The following TIAM1 variants were observed in gnomAD, a reference collection of about 807,000 sequenced individuals.
TIAM1 encodes rho guanine nucleotide exchange factor TIAM1.
TIAM1 carries 65 observed loss-of-function variants against 163.5 expected under a neutral mutation model. That is an observed-to-expected ratio of 0.40 (90% CI 0.33 to 0.49). The LOEUF (loss-of-function observed/expected upper bound fraction) is 0.49, where lower values mean the gene tolerates loss of function less well. Ranked by LOEUF, TIAM1 falls within the 20% of genes least tolerant of loss-of-function variation. TIAM1 has a pLI of 0.77. For missense variants in TIAM1, 1,789 were observed against 2,044.7 expected, an observed-to-expected ratio of 0.87 and a Z score of 2.41; for synonymous variants, 833 against 810.1, an observed-to-expected ratio of 1.03 and a Z score of -0.48.
intron 2 of TIAM1, among the ~76,000 whole-genome samples, chr21:31,423,718 A>AAC (rs1251835580): frequency 2.1e-5 from 3 of 146,078 alleles, no homozygotes; most frequent in East Asian, 2.2e-4. Flanking sequence ...AAAAAAAAAA[A>AAC]AAAAAAAAAA....
In TIAM1 at chr21:31,203,016, G is replaced by A. The variant is rs186545398; in HGVS notation, c.2389-4C>T. 1.2e-5 allele frequency: 19 copies of A among 1,604,682 alleles called. No homozygotes were observed. In the African/African-American group the frequency reaches 2.1e-4, roughly 18 times the overall value. On this transcript the variant is annotated splice_region_variant and splice_polypyrimidine_tract_variant and intron_variant, in intron 11 of 27. Coordinates refer to ENST00000541036, the MANE Select transcript of TIAM1 (RefSeq NM_001353694.2). ...CAGAATGATCCAGTTGATGTGTCTG[G>A]GACAAAAAAGAAAGAAAGAAAGAAA...
At chr21:31,273,385 G>A (rs147464556) in intron 3 of TIAM1, among the ~76,000 whole-genome samples, 250 of 152,312 alleles carry the variant, frequency 1.6e-3, no homozygotes, top group African/African-American at 5.5e-3. Flanking sequence ...TCACTCCTCA[G>A]ATGCACATGC....
At chr21:31,255,663 T>C (rs1048361616) in intron 4 of TIAM1, among the ~76,000 whole-genome samples, 4 of 152,144 alleles carry the variant, frequency 2.6e-5, no homozygotes, top group African/African-American at 9.7e-5. Flanking sequence ...GCAAGGTAGG[T>C]TACCTCTTAG....
chr21:31,361,441 T>C (rs2076404552), intron 2 of TIAM1, among the ~76,000 whole-genome samples: 1 of 152,132 alleles, frequency 6.6e-6, no homozygotes, highest in African/African-American at 2.4e-5. Flanking sequence ...GGGGAGGCTT[T>C]CTTGGGGGCT....
At position 31,500,419 on chromosome 21, in the gene TIAM1, G is replaced by A. The variant is rs184697915; in HGVS notation, c.-421-36384C>T. Among the ~76,000 whole-genome samples, 157 of 142,742 alleles carry A rather than the reference G, an allele frequency of 1.1e-3. 1 individual carries two copies. The highest frequency in any genetic ancestry group is 9.6e-3 in the Admixed American group (132 of 13,702). 93.6% of individuals were successfully genotyped at this position (142,742 alleles called of 152,430 possible). On this transcript the variant is annotated intron_variant, in intron 1 of 28. Coordinates refer to the TIAM1 transcript ENST00000286827. Reference sequence around the variant, plus strand: ...GCCATGCAGTAGACCCTTGGCCAACGAGGCTTTTCCCCTTTGTCAGCTGAC... The same window carrying A: ...GCCATGCAGTAGACCCTTGGCCAACAAGGCTTTTCCCCTTTGTCAGCTGAC...
At chr21:31,516,848 A>C (rs2047398837) in intron 1 of TIAM1, among the ~76,000 whole-genome samples, 1 of 151,824 alleles carries the variant, frequency 6.6e-6, no homozygotes, top group African/African-American at 2.4e-5. Flanking sequence ...TCAGGAGTTG[A>C]AGACCAGCCT....
At chr21:31,372,335 C>T (rs1489269422) in intron 2 of TIAM1, among the ~76,000 whole-genome samples, 1 of 152,174 alleles carries the variant, frequency 6.6e-6, no homozygotes, top group East Asian at 1.9e-4. Flanking sequence ...GGCCAGTGGT[C>T]ACAGGTTATA....
At chr21:31,205,151 A>C (rs2086385839) in intron 11 of TIAM1, among the ~76,000 whole-genome samples, 1 of 152,254 alleles carries the variant, frequency 6.6e-6, no homozygotes, top group South Asian at 2.1e-4. Flanking sequence ...ACTAATATTT[A>C]GGGTGATGTG....
chr21:31,182,128 GTCT>G (rs2146439266), intron 15 of TIAM1, among the ~76,000 whole-genome samples: 1 of 152,082 alleles, frequency 6.6e-6, no homozygotes, highest in African/African-American at 2.4e-5. Context: ...CCACAGCAAA[GTCT>G]TCTAAATATT....
chr21:31,336,773 C>T (rs1355871804), intron 2 of TIAM1, among the ~76,000 whole-genome samples: 2 of 151,972 alleles, frequency 1.3e-5, no homozygotes, highest in African/African-American at 2.4e-5. Context: ...AGAAAGACAG[C>T]CGGGAGGAGG....
At chr21:31,539,103 A>AAT (rs1212988088) in intron 1 of TIAM1, among the ~76,000 whole-genome samples, 1 of 152,092 alleles carries the variant, frequency 6.6e-6, no homozygotes, top group Admixed American at 6.5e-5. Flanking sequence ...CACACTCTTA[A>AAT]ACATCCATTT....
Position 31,210,209 on chromosome 21 carries a change from T to TCTCC in TIAM1, c.2220_2223dup (p.Lys742GlyfsTer8). 1 of 1,613,932 alleles carries TCTCC rather than the reference T, an allele frequency of 6.2e-7. No individual in the cohort carries two copies. Among genetic ancestry groups the TCTCC allele is most frequent in the Non-Finnish European group, 8.5e-7 (1 of 1,179,998 alleles). On this transcript the variant is annotated frameshift_variant, in exon 11 of 28. Coordinates refer to ENST00000541036, the MANE Select transcript of TIAM1 (RefSeq NM_001353694.2). LOFTEE classifies it high-confidence loss of function. ...TGAACGTTAGGTAAGACCACTTCTT[T>TCTCC]CTCCCTCTATAACAAGAAATAAAGT...
At chr21:31,544,962 A>G (rs1469459287) in intron 1 of TIAM1, among the ~76,000 whole-genome samples, 1 of 151,798 alleles carries the variant, frequency 6.6e-6, no homozygotes, top group Non-Finnish European at 1.5e-5. Flanking sequence ...GCAGTAAGCC[A>G]AGATCACGCC....
intron 2 of TIAM1, among the ~76,000 whole-genome samples, chr21:31,374,271 G>A (rs1444458358): frequency 6.6e-6 from 1 of 152,142 alleles, no homozygotes; most frequent in Non-Finnish European, 1.5e-5. Context: ...CTGGGTGCTG[G>A]TAAGAAGAGG....
chr21:31,265,087 C>T lies in TIAM1; in HGVS notation c.963+923G>A, dbSNP rs374566450. Among the ~76,000 whole-genome samples the T allele has an allele frequency of 2.6e-5, 4 of 152,240 alleles. No individual in the cohort carries two copies. The East Asian group carries it at 7.7e-4, about 29-fold the overall frequency. ...AAACTCCTAGGCTCAAAGCATCCCC[C>T]TGCGTCAGCCACCAAGCCGGCTCAA... On this transcript the variant is annotated intron_variant, in intron 4 of 27. Transcript: ENST00000541036.
chr21:31,557,579 C>T (rs548848596), intron 1 of TIAM1, among the ~76,000 whole-genome samples: 1 of 152,274 alleles, frequency 6.6e-6, no homozygotes, highest in East Asian at 1.9e-4. Context: ...GACCTCAGCG[C>T]ACAGGCTCTA....
chr21:31,142,859 T>C (rs111845573), intron 20 of TIAM1, among the ~76,000 whole-genome samples: 1 of 151,950 alleles, frequency 6.6e-6, no homozygotes, highest in Admixed American at 6.6e-5. Flanking sequence ...TTCCTCAGTG[T>C]CCCAGCTGGT....
At chr21:31,290,646 CAAAAAAAAAAAAAAAAAAAAAA>C (rs200030849) in intron 2 of TIAM1, among the ~76,000 whole-genome samples, 1 of 63,212 alleles carries the variant, frequency 1.6e-5, no homozygotes, top group South Asian at 4.4e-4. Flanking sequence ...GACTCTATCT[CAAAAAAAAAAAAAAAAAAAAAA>C]AAAAAAAAAA....
intron 12 of TIAM1, among the ~76,000 whole-genome samples, chr21:31,198,521 T>C (rs1414042398): frequency 6.6e-6 from 1 of 152,176 alleles, no homozygotes; most frequent in African/African-American, 2.4e-5. Flanking sequence ...ATTCAGAAAA[T>C]AGCCACCAAA....
Sources: allele counts gnomAD v4.1 joint callset (sites outside exome capture counted in the v4.1 genomes callset), GRCh38; gene constraint gnomAD v4.1.1; transcripts MANE v1.5; gene names NCBI Gene and HGNC (gene_info 2026-07-23, HGNC 2026-07-21).